LMAN1: variants seen among roughly 807,000 people sequenced by gnomAD.
LMAN1 encodes the protein lectin, mannose binding 1.
Under a neutral mutation model 67.8 loss-of-function variants are expected in LMAN1, and 32 were observed. The observed-to-expected ratio is 0.47, with a 90% confidence interval of 0.36 to 0.63. LMAN1 has a LOEUF of 0.63. Ranked by LOEUF, LMAN1 falls within the 30% of genes least tolerant of loss-of-function variation. LMAN1 has a pLI of 0.00. For synonymous variants in LMAN1, 235 were observed against 219.3 expected, an observed-to-expected ratio of 1.07 and a Z score of -0.63; for missense variants, 632 against 628.2, an observed-to-expected ratio of 1.01 and a Z score of -0.06.
intron 8 of LMAN1, among the ~76,000 whole-genome samples, chr18:59,341,023 A>T (rs1168120255): frequency 1.3e-5 from 2 of 152,214 alleles, no homozygotes; most frequent in African/African-American, 4.8e-5. Flanking sequence ...AAAGAGGTGG[A>T]AAATAATAGT....
intron 8 of LMAN1, among the ~76,000 whole-genome samples, chr18:59,339,837 G>T (rs1320351088): frequency 6.6e-6 from 1 of 152,114 alleles, no homozygotes; most frequent in Non-Finnish European, 1.5e-5. Flanking sequence ...CTGCTTGCCT[G>T]GAAGGGACCC....
chr18:59,345,790 T>G, intron 8 of LMAN1, 129 bp downstream of exon 8: 1 of 1,096,230 alleles, frequency 9.1e-7, no homozygotes, highest in Non-Finnish European at 1.3e-6. Context: ...CTAAATTGTT[T>G]CCAGAAATCA....
chr18:59,345,288 T>C (rs1293615097), intron 8 of LMAN1, among the ~76,000 whole-genome samples: 2 of 152,186 alleles, frequency 1.3e-5, no homozygotes, highest in Admixed American at 6.5e-5. Context: ...TAGCAGATAA[T>C]ATAAATTCCC....
At position 59,329,236 on chromosome 18, in the gene LMAN1, A is replaced by G. The variant is rs1229650080; in HGVS notation, c.*1857T>C. 6.6e-6 allele frequency: 1 copy of G among 152,198 alleles called. No individual in the cohort carries two copies. Among genetic ancestry groups the G allele is most frequent in the Non-Finnish European group, 1.5e-5 (1 of 68,036 alleles). The allele number at this position is 152,198 out of a possible 1,614,324, so 9.4% of individuals were successfully genotyped here. ...ATGCTCATGCTGTTTCATAATAGCCATCTCCATTTGTAGTAAGAATAATCA... is the reference window on the plus strand; with the variant it reads ...ATGCTCATGCTGTTTCATAATAGCCGTCTCCATTTGTAGTAAGAATAATCA... On this transcript the variant is annotated 3_prime_UTR_variant, in exon 13 of 13. Transcript: ENST00000251047.
At chr18:59,340,100 C>T (rs1908253493) in intron 8 of LMAN1, among the ~76,000 whole-genome samples, 1 of 152,152 alleles carries the variant, frequency 6.6e-6, no homozygotes, top group Non-Finnish European at 1.5e-5. Context: ...AAGGGCCCTG[C>T]TCTCCCTGGT....
In LMAN1 at chr18:59,328,687, T is replaced by C. The variant is rs997840398; in HGVS notation, c.*2406A>G. 1 of 152,150 alleles carries C rather than the reference T, an allele frequency of 6.6e-6. No homozygotes were observed. Among genetic ancestry groups the C allele is most frequent in the Admixed American group, 6.6e-5 (1 of 15,260 alleles). The allele number at this position is 152,150 out of a possible 1,614,324, so 9.4% of individuals were successfully genotyped here. A position where few individuals can be genotyped will look rare whatever the true frequency, so the allele number is the denominator to read the frequency against. ...CCCACCCCTAAGATTTGATTCAGGT[T>C]GTCTGAAACCAGGCGCCATGACCCA... On this transcript the variant is annotated 3_prime_UTR_variant, in exon 13 of 13. Transcript: ENST00000251047.
intron 10 of LMAN1, among the ~76,000 whole-genome samples, chr18:59,338,305 G>C (rs898388393): frequency 2.6e-5 from 4 of 152,148 alleles, no homozygotes; most frequent in Non-Finnish European, 4.4e-5. Flanking sequence ...TCAAGTAACT[G>C]ACAAATCTCT....
chr18:59,333,118 G>T lies in LMAN1; in HGVS notation c.1347C>A (p.Asp449Glu). The change falls in exon 11 of 13, where the codon GAC becomes GAA. Residue 449 changes from aspartate (D) to glutamate (E), a missense_variant. Physicochemically the swap from Asp to Glu is conservative, Grantham distance 45. Transcript: ENST00000251047. ...TATTTCGCTGCACTAAGTTATCTAT[G>T]TCCCTCTTTACTATGTGCAGGTGCT... ...IKEHLHIVKR[D>E]IDNLVQRNMP... 1 of 1,613,536 alleles carries T rather than the reference G, an allele frequency of 6.2e-7. No homozygotes were observed. The highest frequency in any genetic ancestry group is 8.5e-7 in the Non-Finnish European group (1 of 1,179,578).
intron 3 of LMAN1, 49 bp downstream of exon 3, chr18:59,355,264 C>G: frequency 7.4e-7 from 1 of 1,357,296 alleles, no homozygotes. Context: ...CAGCCTAACT[C>G]TGTTGATAGA....
chr18:59,355,466 A>T (rs1178695200), intron 2 of LMAN1, 38 bp downstream of exon 2: 1 of 1,614,018 alleles, frequency 6.2e-7, no homozygotes. Flanking sequence ...TGGTATATGC[A>T]TTTATGCACA....
rs983134938 is a variant in LMAN1 at position 59,354,656 on chromosome 18, G to A, written c.478-76C>T. ...CATCATTCTTGATGTACTATGAAGT[G>A]ACTTACATATCTAAGATTCTAGGAC... is the stretch of plus-strand genomic sequence containing the variant. On this transcript the variant is annotated intron_variant, in intron 3 of 12. Coordinates refer to ENST00000251047, the MANE Select transcript of LMAN1 (RefSeq NM_005570.4). The A allele has an allele frequency of 6.9e-6, 5 of 725,408 alleles. No individual in the cohort carries two copies. The African/African-American group carries it at 8.8e-5, about 13-fold the overall frequency. The allele number at this position is 725,408 out of a possible 1,614,324, so 44.9% of individuals were successfully genotyped here.
intron 6 of LMAN1, among the ~76,000 whole-genome samples, chr18:59,347,983 G>A (rs1039500999): frequency 1.2e-4 from 18 of 152,164 alleles, no homozygotes; most frequent in Non-Finnish European, 1.8e-4. Context: ...AGAAAATCCT[G>A]GTCTCCACAT....
intron 8 of LMAN1, among the ~76,000 whole-genome samples, chr18:59,344,636 C>T (rs1198700328): frequency 4.6e-5 from 7 of 151,988 alleles, no homozygotes; most frequent in East Asian, 1.9e-4. Flanking sequence ...AGTGGAATAA[C>T]GGACACTGGA....
At chr18:59,356,014 A>T (rs1290297033) in intron 1 of LMAN1, among the ~76,000 whole-genome samples, 3 of 152,316 alleles carry the variant, frequency 2.0e-5, no homozygotes, top group African/African-American at 7.2e-5. Flanking sequence ...CAAAGGTTAG[A>T]AAGCTCAAAC....
chr18:59,336,585 C>A, intron 10 of LMAN1, among the ~76,000 whole-genome samples: 1 of 152,178 alleles, frequency 6.6e-6, no homozygotes, highest in East Asian at 1.9e-4. Flanking sequence ...GGAATTATTT[C>A]GAAATATAAA....
At chr18:59,349,019 T>G (rs570541645) in intron 6 of LMAN1, 94 bp downstream of exon 6, 1 of 1,437,352 alleles carries the variant, frequency 7.0e-7, no homozygotes, top group Non-Finnish European at 9.8e-7. Context: ...TCTTAAAAAG[T>G]TATTAGTATA....
Position 59,338,799 on chromosome 18 carries a change from G to A in LMAN1, c.1110C>T (p.Ile370=), listed in dbSNP as rs1908221264. The A allele has an allele frequency of 1.9e-6, 3 of 1,614,098 alleles. No individual in the cohort carries two copies. The South Asian group carries it at 3.3e-5, about 18-fold the overall frequency. ...CAGGCATTCCTGCTCCTCTTTTAGA[G>A]ATTTCCTCTGTTAAGGAAGAGACAT... ...RRYVSSLTEE[I]SKRGAGMPGQ... is the part of the protein sequence containing the mutation. The change falls in exon 9 of 13, where the codon ATC becomes ATT. Residue 370 remains isoleucine (I), a synonymous_variant. Coordinates refer to ENST00000251047, the MANE Select transcript of LMAN1 (RefSeq NM_005570.4).
intron 7 of LMAN1, 26 bp from the exon 8 acceptor site, chr18:59,346,077 T>C: frequency 6.4e-7 from 1 of 1,567,546 alleles, no homozygotes; most frequent in Non-Finnish European, 8.7e-7. Context: ...TTGGAATAGA[T>C]CATTAAAAAG....
At chr18:59,355,978 A>G (rs1908653178) in intron 1 of LMAN1, among the ~76,000 whole-genome samples, 1 of 152,186 alleles carries the variant, frequency 6.6e-6, no homozygotes, top group Non-Finnish European at 1.5e-5. Flanking sequence ...ATTTTTAGAA[A>G]AGCTGCAACG....
Sources: gnomAD v4.1 joint callset for allele counts (sites outside exome capture counted in the v4.1 genomes callset) on GRCh38, gnomAD v4.1.1 for gene constraint, MANE v1.5 for transcripts, NCBI Gene and HGNC (gene_info 2026-07-23, HGNC 2026-07-21) for gene names.